URI1: variants seen among roughly 807,000 people sequenced by gnomAD.
URI1 encodes URI1 prefoldin like chaperone.
In URI1, 39 loss-of-function variants were observed where a neutral mutation model predicts 60.2. The observed-to-expected ratio is 0.65, with a 90% CI of 0.50 to 0.85. The LOEUF (loss-of-function observed/expected upper bound fraction) is 0.85. Among genes scored for constraint, URI1 ranks in the 40% least tolerant of loss-of-function variants. URI1 has a pLI of 0.00. For missense variants in URI1, 691 were observed against 665.9 expected, an observed-to-expected ratio of 1.04 and a Z score of -0.42; for synonymous variants, 251 against 236.8, an observed-to-expected ratio of 1.06 and a Z score of -0.55.
At chr19:30,011,536 G>T (rs1005116179) in intron 9 of URI1, among the ~76,000 whole-genome samples, 6 of 151,554 alleles carry the variant, frequency 4.0e-5, no homozygotes, top group Admixed American at 6.6e-5. Context: ...TTTCCAGTGG[G>T]CTAGGTCCCT....
In URI1 at chr19:29,950,785, A is replaced by G. The variant is rs536447734; in HGVS notation, c.117+8121A>G. Among the ~76,000 whole-genome samples the G allele has an allele frequency of 2.6e-5, 4 of 152,336 alleles. No homozygotes were observed. The South Asian group carries it at 8.3e-4, about 32-fold the overall frequency. On this transcript the variant is annotated intron_variant, in intron 1 of 10. Coordinates refer to ENST00000392271, the MANE Select transcript of URI1 (RefSeq NM_003796.3). ...CTCTCTTTCAATGCAAGAGCCAATC[A>G]GAGATTACTATGGCATTTGACTCTC...
rs947181182 is a variant in URI1 at position 29,942,278 on chromosome 19, C to T, written c.-270C>T. 1.7e-5 allele frequency: 17 copies of T among 985,000 alleles called. No individual in the cohort carries two copies. The highest frequency in any genetic ancestry group is 2.0e-5 in the Non-Finnish European group (17 of 829,722). The allele number at this position is 985,000 out of a possible 1,614,324, so 61.0% of individuals were successfully genotyped here. A position where few individuals can be genotyped will look rare whatever the true frequency, so the allele number is the denominator to read the frequency against. ...GGCCGCCACGCGACGCCTGGCTGGG[C>T]CCGCACCGGAGAGGCGTCTCGGTAC... is the stretch of plus-strand genomic sequence containing the variant. On this transcript the variant is annotated 5_prime_UTR_variant, in exon 1 of 11. Transcript: ENST00000392271.
intron 1 of URI1, among the ~76,000 whole-genome samples, chr19:29,954,820 G>T (rs1403469215): frequency 6.6e-6 from 1 of 151,800 alleles, no homozygotes; most frequent in Admixed American, 6.6e-5. Context: ...AGCCGGCCTA[G>T]ATAACCATTT....
At chr19:29,952,984 T>C (rs1006348671) in intron 1 of URI1, among the ~76,000 whole-genome samples, 26 of 152,210 alleles carry the variant, frequency 1.7e-4, no homozygotes, top group Non-Finnish European at 2.9e-5. Context: ...TTTATACCTA[T>C]GTTTCCTTCT....
chr19:30,008,899 A>G, intron 7 of URI1, 106 bp from the exon 8 acceptor site: 1 of 898,702 alleles, frequency 1.1e-6, no homozygotes. Flanking sequence ...TTTTAAAAAT[A>G]CTTTATTCAA....
chr19:29,951,223 A>G (rs777186261), intron 1 of URI1, among the ~76,000 whole-genome samples: 2 of 152,216 alleles, frequency 1.3e-5, no homozygotes, highest in African/African-American at 4.8e-5. Flanking sequence ...TAAGATGTCA[A>G]GTCTCTCCAT....
chr19:29,943,047 C>T (rs114274441), intron 1 of URI1, among the ~76,000 whole-genome samples: 2,066 of 152,176 alleles, frequency 0.014, 47 homozygotes, highest in African/African-American at 0.047. Context: ...AGTTTTACCG[C>T]GTTTGTCATG....
intron 4 of URI1, among the ~76,000 whole-genome samples, chr19:29,988,761 T>G (rs2055705788): frequency 6.6e-6 from 1 of 152,234 alleles, no homozygotes; most frequent in African/African-American, 2.4e-5. Context: ...GTACAGGTTT[T>G]TGTGCGAACA....
At chr19:30,004,301 A>T (rs2055912766) in intron 4 of URI1, 1 of 152,070 alleles carries the variant, frequency 6.6e-6, no homozygotes, top group African/African-American at 2.4e-5. Context: ...AGCATTGCAT[A>T]GCATGAGAGC....
At chr19:29,924,376 A>T (rs763000699) in intron 1 of URI1, among the ~76,000 whole-genome samples, 1 of 152,204 alleles carries the variant, frequency 6.6e-6, no homozygotes, top group African/African-American at 2.4e-5. Context: ...CTCCACAAGC[A>T]CAGGCAAAGT....
At chr19:29,942,740 C>T (rs2055047677) in intron 1 of URI1, 76 bp downstream of exon 1, 11 of 1,289,988 alleles carry the variant, frequency 8.5e-6, no homozygotes, top group African/African-American at 1.5e-5. Flanking sequence ...CGCCGCCCCG[C>T]GTGGCCTAGG....
intron 1 of URI1, among the ~76,000 whole-genome samples, chr19:29,925,068 T>A (rs1027896640): frequency 6.6e-6 from 1 of 152,196 alleles, no homozygotes; most frequent in Admixed American, 6.5e-5. Flanking sequence ...ACTACTGACC[T>A]TAGGTGATCC....
At chr19:29,965,961 G>A (rs2055386628) in intron 1 of URI1, among the ~76,000 whole-genome samples, 1 of 152,202 alleles carries the variant, frequency 6.6e-6, no homozygotes, top group African/African-American at 2.4e-5. Flanking sequence ...TAAAGGTAAA[G>A]ATTAAGGAGA....
chr19:29,942,481 C>A lies in URI1; in HGVS notation c.-67C>A. 1 of 1,102,958 alleles carries A rather than the reference C, an allele frequency of 9.1e-7. No homozygotes were observed. The highest frequency in any genetic ancestry group is 1.1e-6 in the Non-Finnish European group (1 of 905,184). The allele number at this position is 1,102,958 out of a possible 1,614,324, so 68.3% of individuals were successfully genotyped here. The stretch of plus-strand genomic sequence containing the variant: ...GGGCGCGCGGGCGCTGGGCAACTGC[C>A]GGCCGCGCCGCCTGCGCAGGCGCTG... On this transcript the variant is annotated 5_prime_UTR_variant, in exon 1 of 11. Coordinates refer to ENST00000392271, the MANE Select transcript of URI1 (RefSeq NM_003796.3).
chr19:29,945,304 A>C (rs1033444210), intron 1 of URI1, among the ~76,000 whole-genome samples: 1 of 152,176 alleles, frequency 6.6e-6, no homozygotes, highest in Non-Finnish European at 1.5e-5. Context: ...TGTGGCTTAA[A>C]TGTTGCTCAT....
intron 1 of URI1, among the ~76,000 whole-genome samples, chr19:29,949,658 G>A (rs1416628791): frequency 2.0e-5 from 3 of 152,212 alleles, no homozygotes; most frequent in African/African-American, 4.8e-5. Flanking sequence ...CTGCAATCCC[G>A]GCACGTCGGG....
chr19:29,932,864 G>A (rs1473992728), intron 1 of URI1, among the ~76,000 whole-genome samples: 3 of 150,812 alleles, frequency 2.0e-5, no homozygotes, highest in Admixed American at 6.6e-5. Flanking sequence ...TGTTGGCCAG[G>A]CTGGTCTCGA....
chr19:29,971,247 A>G lies in URI1; in HGVS notation c.152+20A>G. On this transcript the variant is annotated intron_variant, in intron 2 of 10. Coordinates refer to ENST00000392271, the MANE Select transcript of URI1 (RefSeq NM_003796.3). ...GCATTGGTGAGTGAAAGATGGTTTT[A>G]TTACACTTCTGAAATACTGATGGGG... 6.2e-7 allele frequency: 1 copy of G among 1,611,508 alleles called. No homozygotes were observed. Among genetic ancestry groups the G allele is most frequent in the South Asian group, 1.1e-5 (1 of 91,002 alleles).
chr19:29,953,018 T>C (rs1388018345), intron 1 of URI1, among the ~76,000 whole-genome samples: 1 of 152,166 alleles, frequency 6.6e-6, no homozygotes, highest in Admixed American at 6.5e-5. Context: ...TTTTAGCGCT[T>C]ATATTTAGGT....
Sources: gnomAD v4.1 joint callset for allele counts (sites outside exome capture counted in the v4.1 genomes callset) on GRCh38, gnomAD v4.1.1 for gene constraint, MANE v1.5 for transcripts, NCBI Gene and HGNC (gene_info 2026-07-23, HGNC 2026-07-21) for gene names.